NXF1: variants seen among roughly 807,000 people sequenced by gnomAD.
NXF1 encodes the protein nuclear RNA export factor 1, also known as mRNA export factor TAP.
Under a neutral mutation model 92.4 loss-of-function variants are expected in NXF1, and 43 were observed. That is an observed-to-expected ratio of 0.47 (90% CI 0.36 to 0.60). The LOEUF (loss-of-function observed/expected upper bound fraction) is 0.60, where lower values mean the gene tolerates loss of function less well. NXF1 is among the 20% of genes least tolerant of loss of function. The pLI is 0.00. For synonymous variants in NXF1, 288 were observed against 292.2 expected (o/e 0.99, Z 0.15); for missense variants, 576 against 793.0 (o/e 0.73, Z 3.29).
intron 13 of NXF1, 143 bp from the exon 14 acceptor site, chr11:62,796,710 T>C (rs754756653): frequency 3.4e-4 from 216 of 632,658 alleles, no homozygotes; most frequent in Non-Finnish European, 4.6e-4. Flanking sequence ...GATGGGTGAA[T>C]AGCTTGAGCC....
intron 19 of NXF1, among the ~76,000 whole-genome samples, chr11:62,793,979 C>A (rs2084394497): frequency 6.7e-6 from 1 of 148,926 alleles, no homozygotes; most frequent in South Asian, 2.1e-4. Context: ...CCAGCCTGGG[C>A]AACATAGCAA....
chr11:62,804,953 G>A (rs1347314570), intron 1 of NXF1: 8 of 211,746 alleles, frequency 3.8e-5, no homozygotes, highest in Non-Finnish European at 7.4e-5. Flanking sequence ...AGGCCCGAGA[G>A]TTCAAGACCG....
At chr11:62,800,994 C>T (rs1380650301) in intron 9 of NXF1, 100 bp downstream of exon 9, 8 of 868,584 alleles carry the variant, frequency 9.2e-6, no homozygotes, top group Non-Finnish European at 1.3e-5. Flanking sequence ...ACCAGCACAT[C>T]TGGCCTGAGT....
chr11:62,801,926 G>C lies in NXF1; in HGVS notation c.558+16C>G. ...CCAACCTCCACCTCCAGCCAAGCCA[G>C]GCCCTTTAAACACACCCTTCGGTTC... is the stretch of plus-strand genomic sequence containing the variant. On this transcript the variant is annotated intron_variant, in intron 5 of 20. Transcript: ENST00000294172. 1 of 1,612,884 alleles carries C rather than the reference G, an allele frequency of 6.2e-7. No individual in the cohort carries two copies. Among genetic ancestry groups the C allele is most frequent in the South Asian group, 1.1e-5 (1 of 91,054 alleles).
In NXF1 at chr11:62,794,250, G is replaced by A. The variant is rs374156694; in HGVS notation, c.1760+8C>T. ...TGCATCCCCATCCTACACATGCCCCGCACTCACTTCTGGGACCACTCGAGG... is the reference window on the plus strand; with the variant it reads ...TGCATCCCCATCCTACACATGCCCCACACTCACTTCTGGGACCACTCGAGG... On this transcript the variant is annotated splice_region_variant and intron_variant, in intron 19 of 20. Coordinates refer to ENST00000294172, the MANE Select transcript of NXF1 (RefSeq NM_006362.5). The A allele has an allele frequency of 3.0e-5, 48 of 1,608,226 alleles. No homozygotes were observed. The highest frequency in any genetic ancestry group is 1.1e-4 in the African/African-American group (8 of 74,742).
rs370794559 is a variant in NXF1, at chr11:62,801,430, G to A, written c.710-13C>T. 1 of 1,613,830 alleles carries A rather than the reference G, an allele frequency of 6.2e-7. No homozygotes were observed. The highest frequency in any genetic ancestry group is 8.5e-7 in the Non-Finnish European group (1 of 1,179,796). ...TGGGCCACCAAATCTTCAGGAAGCA[G>A]AAGGGAAGGAAAGGGAAGACTGAGA... On this transcript the variant is annotated splice_polypyrimidine_tract_variant and intron_variant, in intron 7 of 20. Coordinates refer to ENST00000294172, the MANE Select transcript of NXF1 (RefSeq NM_006362.5).
chr11:62,803,889 A>G lies in NXF1; in HGVS notation c.118T>C (p.Ser40Pro), dbSNP rs770786498. 2 of 1,614,106 alleles carry G rather than the reference A, an allele frequency of 1.2e-6. No homozygotes were observed. Among genetic ancestry groups the G allele is most frequent in the Non-Finnish European group, 1.7e-6 (2 of 1,179,994 alleles). Residue 40 changes from serine (S) to proline (P), a missense_variant, in exon 2 of 21, where the codon TCT (serine) becomes CCT (proline). This residue lies in a region of NXF1 where 151 missense variants were observed against 157.8 expected (regional missense o/e 0.96). Transcript: ENST00000294172. ...RWKYGEGNRRSGRGGSGIRSS... is the reference protein window; with the variant it reads ...RWKYGEGNRRPGRGGSGIRSS... The stretch of plus-strand genomic sequence containing the variant: ...CGAATACCAGAACCGCCTCTTCCAG[A>G]CCTACGGTTTCCTTCACCATATTTC...
At chr11:62,796,965 G>A (rs534973010) in intron 13 of NXF1, 2 of 584,252 alleles carry the variant, frequency 3.4e-6, no homozygotes, top group East Asian at 2.9e-5. Context: ...TACTGGGGAG[G>A]CTGAGGCAGG....
intron 3 of NXF1, 37 bp downstream of exon 3, chr11:62,803,382 A>G (rs1405098503): frequency 3.2e-6 from 5 of 1,573,994 alleles, no homozygotes; most frequent in East Asian, 2.3e-5. Context: ...GTGGCCTCCT[A>G]TCTCTACTGT....
At chr11:62,795,690 A>T (rs1415116271) in intron 17 of NXF1, among the ~76,000 whole-genome samples, 1 of 152,110 alleles carries the variant, frequency 6.6e-6, no homozygotes, top group East Asian at 1.9e-4. Context: ...GAACTGCCTG[A>T]CTCCAAAGTC....
In NXF1 at chr11:62,801,823, G is replaced by A. The variant is rs745744970; in HGVS notation, c.559-4C>T. ...AAGAGTTGATGATGATAGATATCTG[G>A]AGGGAAGACACAGAGGGCACAGAAA... On this transcript the variant is annotated splice_polypyrimidine_tract_variant and splice_region_variant and intron_variant, in intron 5 of 20. Coordinates refer to ENST00000294172, the MANE Select transcript of NXF1 (RefSeq NM_006362.5). The A allele has an allele frequency of 1.9e-6, 3 of 1,612,724 alleles. No individual in the cohort carries two copies. Among genetic ancestry groups the A allele is most frequent in the African/African-American group, 2.7e-5 (2 of 74,868 alleles).
intron 2 of NXF1, 81 bp downstream of exon 2, chr11:62,803,711 G>C (rs2084504115): frequency 6.4e-7 from 1 of 1,550,522 alleles, no homozygotes; most frequent in East Asian, 2.3e-5. Context: ...TAACAGGTGG[G>C]AAAGGAAATG....
Position 62,805,385 on chromosome 11 carries a change from G to A in NXF1, c.-29C>T, listed in dbSNP as rs200187006. 3.1e-6 allele frequency: 5 copies of A among 1,610,414 alleles called. No individual in the cohort carries two copies. The highest frequency in any genetic ancestry group is 1.3e-5 in the African/African-American group (1 of 74,678). Reference sequence around the variant, plus strand: ...ACAGCGAAGATCAAGGGCGGGCTCAGGCGCTGGCCGCTACGCCGGCAAACA... The same window carrying A: ...ACAGCGAAGATCAAGGGCGGGCTCAAGCGCTGGCCGCTACGCCGGCAAACA... On this transcript the variant is annotated 5_prime_UTR_variant, in exon 1 of 21. Coordinates refer to ENST00000294172, the MANE Select transcript of NXF1 (RefSeq NM_006362.5).
rs748880454 is a variant in NXF1, at chr11:62,801,433, G to C, written c.710-16C>G. Reference sequence around the variant, plus strand: ...GCCACCAAATCTTCAGGAAGCAGAAGGGAAGGAAAGGGAAGACTGAGAGGG... The same window carrying C: ...GCCACCAAATCTTCAGGAAGCAGAACGGAAGGAAAGGGAAGACTGAGAGGG... On this transcript the variant is annotated splice_polypyrimidine_tract_variant and intron_variant, in intron 7 of 20. Coordinates refer to ENST00000294172, the MANE Select transcript of NXF1 (RefSeq NM_006362.5). The C allele has an allele frequency of 6.2e-7, 1 of 1,613,338 alleles. No individual in the cohort carries two copies. The highest frequency in any genetic ancestry group is 8.5e-7 in the Non-Finnish European group (1 of 1,179,414).
In NXF1 at chr11:62,792,530, G is replaced by C; in HGVS notation, c.1822-16C>G. ...CGCCCTTGGCCTGGAGAAAAATGAA[G>C]GTCAGTAGAGGTAGGCCTACCCTCG... On this transcript the variant is annotated splice_polypyrimidine_tract_variant and intron_variant, in intron 20 of 20. Coordinates refer to ENST00000294172, the MANE Select transcript of NXF1 (RefSeq NM_006362.5). 1 of 1,614,206 alleles carries C rather than the reference G, an allele frequency of 6.2e-7. No individual in the cohort carries two copies. The highest frequency in any genetic ancestry group is 1.6e-4 in the Middle Eastern group (1 of 6,062).
At position 62,796,432 on chromosome 11, in the gene NXF1, C is replaced by T. The variant is rs748502449; in HGVS notation, c.1286+28G>A. 33 of 1,612,890 alleles carry T rather than the reference C, an allele frequency of 2.0e-5. No homozygotes were observed. The Admixed American group carries it at 2.2e-4, about 11-fold the overall frequency. On this transcript the variant is annotated intron_variant, in intron 14 of 20. Coordinates refer to ENST00000294172, the MANE Select transcript of NXF1 (RefSeq NM_006362.5). Reference sequence around the variant, plus strand: ...TATCTGCTGGGAAACCCAGTGGTCCCGGGCAGATTCTGGGATGTGATACTA... The same window carrying T: ...TATCTGCTGGGAAACCCAGTGGTCCTGGGCAGATTCTGGGATGTGATACTA...
chr11:62,804,206 A>G (rs548549264), intron 1 of NXF1: 1 of 1,507,914 alleles, frequency 6.6e-7, no homozygotes, highest in African/African-American at 1.4e-5. Flanking sequence ...AAAATGAAGT[A>G]GAAACTGGAA....
intron 10 of NXF1, chr11:62,799,254 G>A (rs2084453704): frequency 1.0e-6 from 1 of 985,584 alleles, no homozygotes; most frequent in Non-Finnish European, 1.2e-6. Context: ...CCCTGACACA[G>A]CCCTTTCTTT....
chr11:62,802,629 G>C (rs2084491168), intron 3 of NXF1, among the ~76,000 whole-genome samples: 1 of 152,102 alleles, frequency 6.6e-6, no homozygotes, highest in Admixed American at 6.6e-5. Flanking sequence ...GTAGAGAAGG[G>C]GTCTTGCTGT....
Sources: gnomAD v4.1 joint callset for allele counts (sites outside exome capture counted in the v4.1 genomes callset) on GRCh38, gnomAD v4.1.1 for gene constraint, gnomAD v4.1.1 regional missense constraint, MANE v1.5 for transcripts, NCBI Gene and HGNC (gene_info 2026-07-23, HGNC 2026-07-21) for gene names.